PKHD1: variants seen among roughly 807,000 people sequenced by gnomAD.
PKHD1 encodes the protein fibrocystin.
PKHD1 carries 291 observed loss-of-function variants against 412.0 expected under a neutral mutation model. That is an observed-to-expected ratio of 0.71 (90% CI 0.64 to 0.78). The LOEUF (loss-of-function observed/expected upper bound fraction) is 0.78, where lower values mean the gene tolerates loss of function less well. PKHD1 is among the 30% of genes least tolerant of loss of function. PKHD1 has a pLI of 0.00. For synonymous variants in PKHD1, 1,777 were observed against 1,821.5 expected, an observed-to-expected ratio of 0.98 and a Z score of 0.62; for missense variants, 4,825 against 4,950.7, an observed-to-expected ratio of 0.97 and a Z score of 0.76.
At chr6:51,808,571 T>C (rs1273371710) in intron 52 of PKHD1, among the ~76,000 whole-genome samples, 1 of 152,118 alleles carries the variant, frequency 6.6e-6, no homozygotes, top group Non-Finnish European at 1.5e-5. Flanking sequence ...TTTTAGTCCT[T>C]GTCAGACATG....
chr6:51,829,901 A>T (rs1313314671), intron 52 of PKHD1, among the ~76,000 whole-genome samples: 2 of 152,102 alleles, frequency 1.3e-5, no homozygotes, highest in African/African-American at 2.4e-5. Flanking sequence ...AAACCGTGGG[A>T]CCCTGAACAA....
intron 60 of PKHD1, among the ~76,000 whole-genome samples, chr6:51,665,992 C>T (rs1773697824): frequency 6.6e-6 from 1 of 151,976 alleles, no homozygotes; most frequent in Non-Finnish European, 1.5e-5. Context: ...GAGGCAAGCA[C>T]GGTTATCAAC....
intron 43 of PKHD1, among the ~76,000 whole-genome samples, chr6:51,894,321 T>C (rs1779560161): frequency 6.6e-6 from 1 of 152,200 alleles, no homozygotes; most frequent in Non-Finnish European, 1.5e-5. Context: ...CAAGCACTTA[T>C]CACCCATGGG....
intron 52 of PKHD1, among the ~76,000 whole-genome samples, chr6:51,793,401 G>T (rs1218861069): frequency 6.6e-6 from 1 of 152,032 alleles, no homozygotes; most frequent in Non-Finnish European, 1.5e-5. Context: ...GGATATGCAG[G>T]TTTGTTAACA....
At chr6:51,960,931 T>C (rs185811116) in intron 35 of PKHD1, among the ~76,000 whole-genome samples, 160 of 152,248 alleles carry the variant, frequency 1.1e-3, no homozygotes, top group Non-Finnish European at 1.9e-3. Flanking sequence ...GCTGGTAACA[T>C]GTCTAAATGC....
At chr6:51,918,637 C>G (rs1356076198) in intron 37 of PKHD1, among the ~76,000 whole-genome samples, 1 of 152,122 alleles carries the variant, frequency 6.6e-6, no homozygotes, top group African/African-American at 2.4e-5. Context: ...CTATTGTGAA[C>G]AGTGATTCAA....
At chr6:51,764,712 T>C (rs903871003) in intron 55 of PKHD1, among the ~76,000 whole-genome samples, 1 of 152,156 alleles carries the variant, frequency 6.6e-6, no homozygotes, top group Admixed American at 6.5e-5. Context: ...ATATTGCCAA[T>C]GTATGTGGCC....
In PKHD1 at chr6:52,025,932, A is replaced by G. The variant is rs1265025147; in HGVS notation, c.3878T>C (p.Phe1293Ser). Residue 1293 changes from phenylalanine to serine, a missense_variant, in exon 32 of 67, where the codon TTC (phenylalanine) becomes TCC (serine). Physicochemically the swap from Phe to Ser is radical, Grantham distance 155. Coordinates refer to ENST00000371117, the MANE Select transcript of PKHD1 (RefSeq NM_138694.4). ...TGGTGTTGCTGCCGCTTCATACATG[A>G]AGGTGAAGCCTTTCCCCACCAAGCT... ...SPSLVGKGFT[F>S]MYEAAATPVV... 1 of 1,614,132 alleles carries G rather than the reference A, an allele frequency of 6.2e-7. No individual in the cohort carries two copies. Among genetic ancestry groups the G allele is most frequent in the Non-Finnish European group, 8.5e-7 (1 of 1,180,036 alleles).
chr6:51,625,929 T>G (rs2150271478), intron 66 of PKHD1, among the ~76,000 whole-genome samples: 1 of 152,344 alleles, frequency 6.6e-6, no homozygotes, highest in East Asian at 1.9e-4. Flanking sequence ...TCTATTTATT[T>G]CAATAGCACT....
intron 37 of PKHD1, among the ~76,000 whole-genome samples, chr6:51,931,714 C>A (rs1786622447): frequency 6.6e-6 from 1 of 152,176 alleles, no homozygotes; most frequent in Non-Finnish European, 1.5e-5. Context: ...GTTCAATGGG[C>A]AAGCTCTGTG....
intron 52 of PKHD1, among the ~76,000 whole-genome samples, chr6:51,808,234 A>C (rs1764143333): frequency 6.6e-6 from 1 of 152,136 alleles, no homozygotes; most frequent in South Asian, 2.1e-4. Flanking sequence ...ATAAAAATAA[A>C]TGTAGTGTGT....
Position 52,045,037 on chromosome 6 carries a change from C to A in PKHD1, c.2644G>T (p.Val882Leu). 1 of 1,613,250 alleles carries A rather than the reference C, an allele frequency of 6.2e-7. No individual in the cohort carries two copies. Among genetic ancestry groups the A allele is most frequent in the Non-Finnish European group, 8.5e-7 (1 of 1,179,274 alleles). Residue 882 changes from valine to leucine, a missense_variant, in exon 25 of 67, where the codon GTA becomes TTA. Physicochemically the swap from Val to Leu is conservative, Grantham distance 32 (BLOSUM62 1). Transcript: ENST00000371117. ...CCAAGAAAAACTCCACCATCATATA[C>A]CACACGCGTGGCTGCAGCAGGATTC... Reference protein sequence around the residue: ...GVNPAAATRVVYDGGVFLGPI... With the variant: ...GVNPAAATRVLYDGGVFLGPI...
chr6:51,617,810 G>C lies in PKHD1; in HGVS notation c.*1271C>G, dbSNP rs1252963399. The C allele has an allele frequency of 6.6e-6, 1 of 152,164 alleles. No individual in the cohort carries two copies. The highest frequency in any genetic ancestry group is 1.5e-5 in the Non-Finnish European group (1 of 68,038). 9.4% of individuals were successfully genotyped at this position (152,164 alleles called of 1,614,324 possible). On this transcript the variant is annotated 3_prime_UTR_variant, in exon 67 of 67. Coordinates refer to ENST00000371117, the MANE Select transcript of PKHD1 (RefSeq NM_138694.4). ...GCATCATTATTTAGAATTCAGCAAT[G>C]AAAGAGTGTGTTTCCTTTCTCTCTT...
At chr6:52,085,998 C>G (rs992446703) in intron 1 of PKHD1, among the ~76,000 whole-genome samples, 1 of 150,080 alleles carries the variant, frequency 6.7e-6, no homozygotes, top group East Asian at 1.9e-4. Context: ...ACTAAATACA[C>G]GTTTAATATA....
chr6:51,899,985 G>C (rs1435001215), intron 43 of PKHD1, among the ~76,000 whole-genome samples: 2 of 152,004 alleles, frequency 1.3e-5, no homozygotes, highest in African/African-American at 4.8e-5. Context: ...TCTTCAAGGA[G>C]AACTACAAAC....
Position 52,053,190 on chromosome 6 carries a change from G to T in PKHD1, c.2026C>A (p.Pro676Thr). ...TCVRCFGDLQ[P>T]PPANSPVLVH... ...AGCACTGGGGAGTTTGCCGGAGGGG[G>T]CTGGAGATCCCCGAAGCAACGCACA... is the stretch of plus-strand genomic sequence containing the variant. Residue 676 changes from proline to threonine, a missense_variant, in exon 21 of 67, where the codon CCC (proline) becomes ACC (threonine). Coordinates refer to ENST00000371117, the MANE Select transcript of PKHD1 (RefSeq NM_138694.4). 1 of 1,614,204 alleles carries T rather than the reference G, an allele frequency of 6.2e-7. No homozygotes were observed. Among genetic ancestry groups the T allele is most frequent in the Non-Finnish European group, 8.5e-7 (1 of 1,180,002 alleles).
Position 51,895,772 on chromosome 6 carries a change from G to A in PKHD1, c.6996+7825C>T, listed in dbSNP as rs150277106. ...CTGAGGTACCGGGTTCATCTCACTA[G>A]GGAGTGCCAGACAGTGGGCGCAGGT... is the stretch of plus-strand genomic sequence containing the variant. On this transcript the variant is annotated intron_variant, in intron 43 of 66. Transcript: ENST00000371117. Among the ~76,000 whole-genome samples the A allele has an allele frequency of 2.7e-3, 411 of 152,214 alleles. 5 individuals carry two copies. The highest frequency in any genetic ancestry group is 9.4e-3 in the African/African-American group (389 of 41,514).
intron 35 of PKHD1, among the ~76,000 whole-genome samples, chr6:51,993,593 A>C (rs1797311559): frequency 6.6e-6 from 1 of 152,184 alleles, no homozygotes; most frequent in Non-Finnish European, 1.5e-5. Flanking sequence ...ATGATGCCAA[A>C]CTGGAAGCTG....
intron 54 of PKHD1, among the ~76,000 whole-genome samples, chr6:51,775,094 T>C (rs1790785233): frequency 6.6e-6 from 1 of 151,224 alleles, no homozygotes. Flanking sequence ...TTAAGCTGTG[T>C]GACAATACAA....
Sources: allele counts gnomAD v4.1 joint callset (sites outside exome capture counted in the v4.1 genomes callset), GRCh38; gene constraint gnomAD v4.1.1; transcripts MANE v1.5; gene names NCBI Gene and HGNC (gene_info 2026-07-23, HGNC 2026-07-21).